MALRD1: variants seen among roughly 807,000 people sequenced by gnomAD.
The protein encoded by MALRD1 is MAM and LDL receptor class A domain containing 1.
Under a neutral mutation model 242.1 loss-of-function variants are expected in MALRD1, and 247 were observed. That is an observed-to-expected ratio of 1.02 (90% CI 0.92 to 1.13). The LOEUF (loss-of-function observed/expected upper bound fraction) is 1.13, where lower values mean the gene tolerates loss of function less well. Among genes scored for constraint, MALRD1 ranks in the 50% most tolerant of loss-of-function variants. The pLI is 0.00. For synonymous variants in MALRD1, 995 were observed against 866.6 expected (o/e 1.15, Z -2.60); for missense variants, 2,989 against 2,533.1 (o/e 1.18, Z -3.86).
At chr10:19,202,964 A>G (rs765884950) in intron 14 of MALRD1, among the ~76,000 whole-genome samples, 5 of 152,176 alleles carry the variant, frequency 3.3e-5, no homozygotes, top group Non-Finnish European at 5.9e-5. Flanking sequence ...TTGTAAAATA[A>G]CAACAACAAT....
At chr10:19,150,609 T>C (rs1361546415) in intron 11 of MALRD1, among the ~76,000 whole-genome samples, 1 of 152,222 alleles carries the variant, frequency 6.6e-6, no homozygotes, top group Non-Finnish European at 1.5e-5. Context: ...CTGTGGGAAT[T>C]ACAGGACTTA....
chr10:19,544,574 T>G (rs1459374633), intron 32 of MALRD1, among the ~76,000 whole-genome samples: 2 of 152,100 alleles, frequency 1.3e-5, no homozygotes, highest in Non-Finnish European at 2.9e-5. Flanking sequence ...GTGCCTTTTT[T>G]TTTTTCTAAA....
At chr10:19,456,067 T>C (rs72784353) in intron 29 of MALRD1, among the ~76,000 whole-genome samples, 3,096 of 152,272 alleles carry the variant, frequency 0.02, 53 homozygotes, top group Non-Finnish European at 0.033. Context: ...GAAAATTCAA[T>C]TGAATGATGA....
chr10:19,128,521 A>T, intron 8 of MALRD1, 134 bp downstream of exon 8: 1 of 524,518 alleles, frequency 1.9e-6, no homozygotes, highest in Non-Finnish European at 2.9e-6. Context: ...TATACTTTTA[A>T]AAAGAATGAT....
chr10:19,545,674 T>G (rs1455657590), intron 32 of MALRD1, among the ~76,000 whole-genome samples: 1 of 152,124 alleles, frequency 6.6e-6, no homozygotes, highest in African/African-American at 2.4e-5. Context: ...TGAGCCCTCA[T>G]CATTCGTCAC....
At chr10:19,294,604 A>G (rs1426719419) in intron 21 of MALRD1, among the ~76,000 whole-genome samples, 2 of 152,180 alleles carry the variant, frequency 1.3e-5, no homozygotes, top group Non-Finnish European at 2.9e-5. Flanking sequence ...TTACTGAAAG[A>G]GTGGTCCACT....
chr10:19,180,956 A>T (rs1319794117), intron 14 of MALRD1, among the ~76,000 whole-genome samples: 1 of 152,232 alleles, frequency 6.6e-6, no homozygotes, highest in Non-Finnish European at 1.5e-5. Flanking sequence ...GTATATGAAC[A>T]GATATTCCAC....
chr10:19,714,743 A>T (rs931780161), intron 38 of MALRD1, among the ~76,000 whole-genome samples: 2 of 152,060 alleles, frequency 1.3e-5, no homozygotes, highest in Non-Finnish European at 2.9e-5. Context: ...CAAAACAGGG[A>T]ACGTGAAGAT....
chr10:19,085,162 G>C (rs1187734663), intron 2 of MALRD1, among the ~76,000 whole-genome samples: 1 of 151,964 alleles, frequency 6.6e-6, no homozygotes, highest in Non-Finnish European at 1.5e-5. Context: ...ATTCTGGCTG[G>C]TTAGAGCTGT....
At chr10:19,627,773 A>AG (rs1210560946) in intron 36 of MALRD1, among the ~76,000 whole-genome samples, 1 of 149,732 alleles carries the variant, frequency 6.7e-6, no homozygotes, top group Non-Finnish European at 1.5e-5. Flanking sequence ...AAAAAAAAAA[A>AG]AAAAAGGAAA....
intron 18 of MALRD1, among the ~76,000 whole-genome samples, chr10:19,242,972 T>C (rs1002376194): frequency 6.6e-6 from 1 of 152,034 alleles, no homozygotes. Flanking sequence ...TCATTAGTTG[T>C]TTTTTAGATT....
intron 33 of MALRD1, among the ~76,000 whole-genome samples, chr10:19,568,559 C>G (rs1317696450): frequency 6.6e-6 from 1 of 152,100 alleles, no homozygotes; most frequent in African/African-American, 2.4e-5. Flanking sequence ...CAGGAAGTCA[C>G]TCCCATGGTT....
chr10:19,231,881 A>G (rs1838096381), intron 18 of MALRD1, among the ~76,000 whole-genome samples: 2 of 151,912 alleles, frequency 1.3e-5, no homozygotes, highest in South Asian at 2.1e-4. Context: ...AACTTGACTC[A>G]TATAGACTTA....
chr10:19,516,613 T>TCTCCTCCTCCTGCTCCTCCTCTTC (rs1833638627), intron 31 of MALRD1, among the ~76,000 whole-genome samples: 1 of 151,916 alleles, frequency 6.6e-6, no homozygotes. Context: ...TCAAATATCT[T>TCTCCTCCTCCTGCTCCTCCTCTTC]CTCCTCCTCC....
chr10:19,231,616 A>C (rs112713256), intron 18 of MALRD1, among the ~76,000 whole-genome samples: 1 of 152,268 alleles, frequency 6.6e-6, no homozygotes. Context: ...GTTTCCCTAC[A>C]CAAGCTTTCT....
intron 1 of MALRD1, among the ~76,000 whole-genome samples, chr10:19,050,633 T>C (rs1434124320): frequency 6.6e-6 from 1 of 152,204 alleles, no homozygotes; most frequent in Non-Finnish European, 1.5e-5. Context: ...CAGTAACCAT[T>C]CAATACCAAG....
intron 28 of MALRD1, among the ~76,000 whole-genome samples, chr10:19,391,910 GC>G (rs546490709): frequency 1.4e-3 from 209 of 152,334 alleles, no homozygotes; most frequent in African/African-American, 4.7e-3. Context: ...AGAGGTTGTG[GC>G]TGGGCTGGAG....
In MALRD1 at chr10:19,615,907, A is replaced by G. The variant is rs765136464; in HGVS notation, c.6121A>G (p.Asn2041Asp). The change falls in exon 36 of 40, where the codon AAT (asparagine) becomes GAT (aspartate). Residue 2041 changes from asparagine (N) to aspartate (D), a missense_variant. By Grantham distance (23) the Asn-to-Asp change is conservative. Transcript: ENST00000454679. ...TGGTGGGACTTGTGTAGTGGAGAAA[A>G]ATGGTCCTATGTGTCGGTAAGAAGC... ...RNGGTCVVEK[N>D]GPMCRCRQGW... 2.0e-5 allele frequency: 30 copies of G among 1,531,896 alleles called. No individual in the cohort carries two copies. In the African/African-American group the frequency reaches 3.4e-4, roughly 18 times the overall value. 94.9% of individuals were successfully genotyped at this position (1,531,896 alleles called of 1,614,324 possible). A position where few individuals can be genotyped will look rare whatever the true frequency, so the allele number is the denominator to read the frequency against.
At chr10:19,489,038 C>G (rs1470622799) in intron 29 of MALRD1, 1 of 457,310 alleles carries the variant, frequency 2.2e-6, no homozygotes, top group Admixed American at 2.3e-5. Flanking sequence ...GTCTCAGCAG[C>G]TCGGAGGGTG....
Sources: allele counts gnomAD v4.1 joint callset (sites outside exome capture counted in the v4.1 genomes callset), GRCh38; gene constraint gnomAD v4.1.1; transcripts MANE v1.5; gene names NCBI Gene and HGNC (gene_info 2026-07-23, HGNC 2026-07-21).